ADAM19: variants seen among roughly 807,000 people sequenced by gnomAD.
ADAM19 encodes the protein disintegrin and metalloproteinase domain-containing protein 19.
In ADAM19, 65 loss-of-function variants were observed where a neutral mutation model predicts 114.7. The observed-to-expected ratio is 0.57, with a 90% CI of 0.46 to 0.70. The LOEUF (loss-of-function observed/expected upper bound fraction) is 0.70. Among genes scored for constraint, ADAM19 ranks in the 30% least tolerant of loss-of-function variants. The pLI is 0.00. For synonymous variants in ADAM19, 466 were observed against 460.5 expected (o/e 1.01, Z -0.15); for missense variants, 1,063 against 1,204.7 (o/e 0.88, Z 1.74).
At chr5:157,550,210 G>A (rs934837190) in intron 3 of ADAM19, among the ~76,000 whole-genome samples, 1 of 151,892 alleles carries the variant, frequency 6.6e-6, no homozygotes, top group South Asian at 2.1e-4. Context: ...AAAAGTCCAA[G>A]ATCAAGCTAT....
rs978167128 is a variant in ADAM19 at position 157,501,777 on chromosome 5, G to A, written c.1308+1026C>T. 1.0e-4 allele frequency among the ~76,000 whole-genome samples: 15 copies of A among 146,316 alleles called. No homozygotes were observed. In the South Asian group the frequency reaches 2.5e-3, roughly 24 times the overall value. On this transcript the variant is annotated intron_variant, in intron 12 of 22. Coordinates refer to ENST00000257527, the MANE Select transcript of ADAM19 (RefSeq NM_033274.5). ...ATCACAGAGGTCACAGGCAGGGTGC[G>A]GTGGCTCACGCCTGCAATCCTAGTG...
intron 5 of ADAM19, among the ~76,000 whole-genome samples, chr5:157,528,730 A>G (rs1432357229): frequency 2.0e-5 from 3 of 152,208 alleles, no homozygotes; most frequent in Admixed American, 6.5e-5. Context: ...CATAAGTCTT[A>G]GCATGGTTTC....
Position 157,525,258 on chromosome 5 carries a change from A to C in ADAM19, c.408-5227T>G, listed in dbSNP as rs999065686. Among the ~76,000 whole-genome samples, 6 of 152,296 alleles carry C rather than the reference A, an allele frequency of 3.9e-5. No individual in the cohort carries two copies. In the South Asian group the frequency reaches 1.0e-3, roughly 26 times the overall value. ...CATTTATGATCCATTCTGCAGAAGGAAGGCAAGGAATTCAAAGGTGGAAAG... is the reference window on the plus strand; with the variant it reads ...CATTTATGATCCATTCTGCAGAAGGCAGGCAAGGAATTCAAAGGTGGAAAG... On this transcript the variant is annotated intron_variant, in intron 5 of 22. Transcript: ENST00000257527.
At chr5:157,569,915 A>T (rs189212313) in intron 2 of ADAM19, among the ~76,000 whole-genome samples, 7 of 152,314 alleles carry the variant, frequency 4.6e-5, no homozygotes, top group Admixed American at 3.9e-4. Context: ...TTACTGGCAC[A>T]CAACAACCGC....
chr5:157,498,688 G>GTATGTATA (rs1554079322), intron 13 of ADAM19, among the ~76,000 whole-genome samples: 4 of 143,882 alleles, frequency 2.8e-5, no homozygotes, highest in East Asian at 4.5e-4. Context: ...ATGTGTGTAT[G>GTATGTATA]TATATATATA....
intron 3 of ADAM19, among the ~76,000 whole-genome samples, chr5:157,548,329 A>T (rs189607262): frequency 6.6e-6 from 1 of 152,190 alleles, no homozygotes; most frequent in East Asian, 1.9e-4. Flanking sequence ...GATGGCAGAG[A>T]CTATTCTGAT....
chr5:157,488,136 G>T, intron 21 of ADAM19, 129 bp downstream of exon 21: 1 of 915,522 alleles, frequency 1.1e-6, no homozygotes, highest in Non-Finnish European at 1.7e-6. Context: ...CCCCCGTATT[G>T]ACTGAATTGC....
chr5:157,491,820 G>A lies in ADAM19; in HGVS notation c.1986+15C>T. 1 of 1,614,184 alleles carries A rather than the reference G, an allele frequency of 6.2e-7. No homozygotes were observed. The highest frequency in any genetic ancestry group is 1.3e-5 in the African/African-American group (1 of 75,064). On this transcript the variant is annotated intron_variant, in intron 17 of 22. Transcript: ENST00000257527. The stretch of plus-strand genomic sequence containing the variant: ...ACGTCCCCATGACACAGAGAAGCCA[G>A]AACCCAGCACGCACCCCATGGCCAT...
At chr5:157,498,870 T>G (rs1351305003) in intron 13 of ADAM19, among the ~76,000 whole-genome samples, 1 of 152,134 alleles carries the variant, frequency 6.6e-6, no homozygotes, top group Non-Finnish European at 1.5e-5. Context: ...TTAAAAAGAC[T>G]ATAATTCATC....
At chr5:157,525,629 C>T (rs1249525073) in intron 5 of ADAM19, among the ~76,000 whole-genome samples, 1 of 152,028 alleles carries the variant, frequency 6.6e-6, no homozygotes, top group Non-Finnish European at 1.5e-5. Flanking sequence ...AGAGTAGGGG[C>T]CTGTGGAGGG....
chr5:157,573,633 C>T (rs1757891334), intron 1 of ADAM19, among the ~76,000 whole-genome samples: 1 of 151,966 alleles, frequency 6.6e-6, no homozygotes, highest in South Asian at 2.1e-4. Flanking sequence ...ATAAGCCCAG[C>T]TACTCAGGAG....
rs1033328601 is a variant in ADAM19 at position 157,494,646 on chromosome 5, T to C, written c.1703+41A>G. ...CAGTGAGGACAGAGCAGAAACTGCT[T>C]GTTCATCCTCATTTCATGAGGCCTG... On this transcript the variant is annotated intron_variant, in intron 15 of 22. Coordinates refer to ENST00000257527, the MANE Select transcript of ADAM19 (RefSeq NM_033274.5). 20 of 1,564,286 alleles carry C rather than the reference T, an allele frequency of 1.3e-5. No individual in the cohort carries two copies. In the Middle Eastern group the frequency reaches 2.4e-3, roughly 184 times the overall value.
rs375647154 is a variant in ADAM19, at chr5:157,491,932, A to T, written c.1909-20T>A. ...GCAAATCTGCACGGAGAGAAAACAGAACGATCAGTGCAATGGGAGGGATGC... is the reference window on the plus strand; with the variant it reads ...GCAAATCTGCACGGAGAGAAAACAGTACGATCAGTGCAATGGGAGGGATGC... On this transcript the variant is annotated intron_variant, in intron 16 of 22. Coordinates refer to ENST00000257527, the MANE Select transcript of ADAM19 (RefSeq NM_033274.5). 6.2e-6 allele frequency: 10 copies of T among 1,612,966 alleles called. No homozygotes were observed. The highest frequency in any genetic ancestry group is 8.5e-6 in the Non-Finnish European group (10 of 1,178,982).
intron 8 of ADAM19, among the ~76,000 whole-genome samples, chr5:157,512,139 G>C (rs1423868720): frequency 6.6e-6 from 1 of 152,222 alleles, no homozygotes; most frequent in Non-Finnish European, 1.5e-5. Context: ...TGAGTCAGGA[G>C]CTAGAGGGAG....
At chr5:157,511,990 G>A (rs1359691228) in intron 8 of ADAM19, among the ~76,000 whole-genome samples, 1 of 152,208 alleles carries the variant, frequency 6.6e-6, no homozygotes, top group Non-Finnish European at 1.5e-5. Flanking sequence ...GTCCGAACCT[G>A]CCAGGTCTCC....
chr5:157,501,364 G>A (rs1451275693), intron 12 of ADAM19, among the ~76,000 whole-genome samples: 1 of 152,174 alleles, frequency 6.6e-6, no homozygotes, highest in Admixed American at 6.5e-5. Context: ...TCAGAGCACT[G>A]TGTCATTTGT....
rs993740315 is a variant in ADAM19 at position 157,509,363 on chromosome 5, G to C, written c.843C>G (p.Ser281=). 2 of 1,613,598 alleles carry C rather than the reference G, an allele frequency of 1.2e-6. No homozygotes were observed. The highest frequency in any genetic ancestry group is 4.5e-5 in the East Asian group (2 of 44,880). Reference sequence around the variant, plus strand: ...GCAGCTTGCGCCTCCAACTGAGAAAGGACCAGAGGGTAGAATATGGATTCT... The same window carrying C: ...GCAGCTTGCGCCTCCAACTGAGAAACGACCAGAGGGTAGAATATGGATTCT... ...VSENPYSTLW[S]FLSWRRKLLA... The change falls in exon 9 of 23, where the codon TCC becomes TCG. Residue 281 remains serine (S), a synonymous_variant. Coordinates refer to ENST00000257527, the MANE Select transcript of ADAM19 (RefSeq NM_033274.5).
intron 7 of ADAM19, among the ~76,000 whole-genome samples, chr5:157,517,388 A>C (rs1756123695): frequency 6.6e-6 from 1 of 152,224 alleles, no homozygotes; most frequent in Non-Finnish European, 1.5e-5. Flanking sequence ...CTCAGCTCAT[A>C]ATGACATCCA....
intron 1 of ADAM19, among the ~76,000 whole-genome samples, chr5:157,574,492 T>C (rs1454462691): frequency 6.6e-6 from 1 of 152,158 alleles, no homozygotes; most frequent in African/African-American, 2.4e-5. Flanking sequence ...AGTTCCGAAC[T>C]GTCGGAAGAG....
Sources: allele counts gnomAD v4.1 joint callset (sites outside exome capture counted in the v4.1 genomes callset), GRCh38; gene constraint gnomAD v4.1.1; transcripts MANE v1.5; gene names NCBI Gene and HGNC (gene_info 2026-07-23, HGNC 2026-07-21).